C19orf18: variants seen among roughly 807,000 people sequenced by gnomAD.
C19orf18 encodes the protein chromosome 19 open reading frame 18.
A neutral mutation model predicts 23.3 loss-of-function variants in C19orf18; 21 were observed. The observed-to-expected ratio is 0.90, with a 90% CI of 0.64 to 1.30. C19orf18 has a LOEUF of 1.30. C19orf18 is among the 50% of genes most tolerant of loss of function. C19orf18 has a pLI of 0.00. For missense variants in C19orf18, 249 were observed against 259.6 expected (o/e 0.96, Z 0.28); for synonymous variants, 96 against 95.2 (o/e 1.01, Z -0.05).
At chr19:57,969,141 C>T (rs2072926913) in intron 3 of C19orf18, among the ~76,000 whole-genome samples, 1 of 152,134 alleles carries the variant, frequency 6.6e-6, no homozygotes. Flanking sequence ...GGCCATGTCT[C>T]CTGTTTCCAG....
intron 3 of C19orf18, among the ~76,000 whole-genome samples, chr19:57,969,286 G>A (rs890997389): frequency 5.3e-5 from 8 of 152,176 alleles, no homozygotes; most frequent in African/African-American, 1.9e-4. Flanking sequence ...GCCGGTTGCG[G>A]TGGCTCATGC....
intron 5 of C19orf18, 53 bp from the exon 6 acceptor site, chr19:57,958,770 G>T: frequency 1.0e-6 from 1 of 988,006 alleles, no homozygotes; most frequent in African/African-American, 1.7e-5. Context: ...GAATAAAAAT[G>T]GAGACAAAAG....
intron 4 of C19orf18, among the ~76,000 whole-genome samples, chr19:57,965,323 C>T (rs541348949): frequency 3.3e-5 from 5 of 152,082 alleles, no homozygotes; most frequent in South Asian, 4.1e-4. Context: ...TTAGCAGAGA[C>T]GGGGTTTCAC....
intron 4 of C19orf18, among the ~76,000 whole-genome samples, chr19:57,961,854 T>C (rs1012331997): frequency 3.9e-5 from 6 of 152,076 alleles, no homozygotes; most frequent in Non-Finnish European, 8.8e-5. Flanking sequence ...AAACAAATCA[T>C]CTTTCTTTCC....
chr19:57,967,721 C>T (rs1279093039), intron 3 of C19orf18, among the ~76,000 whole-genome samples: 2 of 151,330 alleles, frequency 1.3e-5, no homozygotes, highest in African/African-American at 4.9e-5. Context: ...CATTACACTC[C>T]AGCCTGGGTG....
chr19:57,969,565 A>AG (rs1193123892), intron 3 of C19orf18, among the ~76,000 whole-genome samples: 1 of 75,222 alleles, frequency 1.3e-5, no homozygotes, highest in African/African-American at 5.2e-5. Flanking sequence ...AAAAAAAAAC[A>AG]GAAAAAAAAA....
intron 5 of C19orf18, among the ~76,000 whole-genome samples, chr19:57,959,486 G>A (rs947147934): frequency 6.6e-6 from 1 of 151,932 alleles, no homozygotes; most frequent in Non-Finnish European, 1.5e-5. Flanking sequence ...TAAGACAGGC[G>A]TGGTGGCATG....
chr19:57,966,663 A>T, intron 3 of C19orf18, 31 bp from the exon 4 acceptor site: 1 of 1,470,392 alleles, frequency 6.8e-7, no homozygotes, highest in Non-Finnish European at 9.5e-7. Flanking sequence ...AGAAGTGCTC[A>T]AAAATGTTCA....
At chr19:57,974,042 T>C (rs2072965632) in intron 2 of C19orf18, 57 bp downstream of exon 2, 3 of 1,531,986 alleles carry the variant, frequency 2.0e-6, no homozygotes, top group Non-Finnish European at 2.7e-6. Context: ...ACATGGCAGA[T>C]AAGAGGACTC....
Position 57,961,387 on chromosome 19 carries a change from C to G in C19orf18, c.532+4G>C, listed in dbSNP as rs1387322530. 6.2e-7 allele frequency: 1 copy of G among 1,611,538 alleles called. No individual in the cohort carries two copies. The highest frequency in any genetic ancestry group is 1.3e-5 in the African/African-American group (1 of 74,940). The stretch of plus-strand genomic sequence containing the variant: ...CTGCGAATAGCTCTTACAGGTCACA[C>G]TACCTGAGTGGATGAACTTTTCCAG... On this transcript the variant is annotated splice_donor_region_variant and intron_variant, in intron 5 of 5. Transcript: ENST00000314391.
intron 3 of C19orf18, among the ~76,000 whole-genome samples, chr19:57,971,669 C>T (rs2072945403): frequency 6.6e-6 from 1 of 152,124 alleles, no homozygotes; most frequent in South Asian, 2.1e-4. Context: ...TGGGGTTTCA[C>T]CATGTTAGCC....
In C19orf18 at chr19:57,973,356, G is replaced by C. The variant is rs112171553; in HGVS notation, c.226+743C>G. ...GGTTGCTGAGCTTCAAAGATTGTCG[G>C]GGTTGGTTTTGCTGTTATAAGATAA... On this transcript the variant is annotated intron_variant, in intron 2 of 5. Transcript: ENST00000314391. Among the ~76,000 whole-genome samples, 1,362 of 151,810 alleles carry C rather than the reference G, an allele frequency of 9.0e-3. 25 individuals are homozygous for C. Among genetic ancestry groups the C allele is most frequent in the African/African-American group, 0.031 (1,302 of 41,412 alleles).
At chr19:57,971,534 A>G (rs1275758746) in intron 3 of C19orf18, among the ~76,000 whole-genome samples, 1 of 151,928 alleles carries the variant, frequency 6.6e-6, no homozygotes, top group Non-Finnish European at 1.5e-5. Context: ...GCAGCGACCC[A>G]ATCTCAGCTC....
Position 57,966,649 on chromosome 19 carries a change from G to A in C19orf18, c.269-17C>T, listed in dbSNP as rs751365502. ...GAATTATTGCTAAAAAGAAAGAAAAGAAAAGAAGTGCTCAAAAATGTTCAT... is the reference window on the plus strand; with the variant it reads ...GAATTATTGCTAAAAAGAAAGAAAAAAAAAGAAGTGCTCAAAAATGTTCAT... On this transcript the variant is annotated splice_polypyrimidine_tract_variant and intron_variant, in intron 3 of 5. Coordinates refer to ENST00000314391, the MANE Select transcript of C19orf18 (RefSeq NM_152474.5). 3.3e-6 allele frequency: 5 copies of A among 1,538,322 alleles called. No individual in the cohort carries two copies. Among genetic ancestry groups the A allele is most frequent in the South Asian group, 2.2e-5 (2 of 89,000 alleles).
Position 57,974,090 on chromosome 19 carries a change from A to G in C19orf18, c.226+9T>C, listed in dbSNP as rs574930777. The G allele has an allele frequency of 6.2e-6, 10 of 1,610,918 alleles. No individual in the cohort carries two copies. Among genetic ancestry groups the G allele is most frequent in the South Asian group, 2.2e-5 (2 of 91,022 alleles). On this transcript the variant is annotated intron_variant, in intron 2 of 5. Coordinates refer to ENST00000314391, the MANE Select transcript of C19orf18 (RefSeq NM_152474.5). ...CTCACTCCACTGAATGAGGAATTCA[A>G]TGACTCACCCGTGGATCTCGAGGCA...
chr19:57,961,615 C>A, intron 4 of C19orf18, 64 bp from the exon 5 acceptor site: 2 of 1,569,996 alleles, frequency 1.3e-6, no homozygotes, highest in Non-Finnish European at 1.7e-6. Flanking sequence ...ATTTCTCAAC[C>A]ATGCCACTTT....
At chr19:57,971,478 GT>G (rs11336472) in intron 3 of C19orf18, among the ~76,000 whole-genome samples, 110,585 of 148,120 alleles carry the variant, frequency 0.75, 40,811 homozygotes, top group South Asian at 0.88. Flanking sequence ...GAATAAAGTT[GT>G]TTTTTTTAAA....
intron 5 of C19orf18, among the ~76,000 whole-genome samples, chr19:57,959,029 A>C (rs2072847465): frequency 1.3e-5 from 2 of 152,232 alleles, no homozygotes; most frequent in African/African-American, 2.4e-5. Flanking sequence ...CCTCTGCCTC[A>C]GTGAGCATCA....
At chr19:57,972,688 C>T (rs1484099151) in intron 2 of C19orf18, among the ~76,000 whole-genome samples, 184 bp from the exon 3 acceptor site, 1 of 152,176 alleles carries the variant, frequency 6.6e-6, no homozygotes, top group Non-Finnish European at 1.5e-5. Context: ...GGTTAATTTG[C>T]AGAAGCCTGG....
Sources: gnomAD v4.1 joint callset for allele counts (sites outside exome capture counted in the v4.1 genomes callset) on GRCh38, gnomAD v4.1.1 for gene constraint, MANE v1.5 for transcripts, NCBI Gene and HGNC (gene_info 2026-07-23, HGNC 2026-07-21) for gene names.